The following CACNA2D3 variants were observed in gnomAD, a reference collection of about 807,000 sequenced individuals.
The protein encoded by CACNA2D3 is voltage-dependent calcium channel subunit alpha-2/delta-3.
A neutral mutation model predicts 160.6 loss-of-function variants in CACNA2D3; 60 were observed. The ratio of observed to expected loss-of-function variants is 0.37; its 90% CI spans 0.30 to 0.46. The LOEUF (loss-of-function observed/expected upper bound fraction) is 0.46. Among genes scored for constraint, CACNA2D3 ranks in the 20% least tolerant of loss-of-function variants. The pLI is 1.00. For missense variants in CACNA2D3, 1,205 were observed against 1,365.0 expected (o/e 0.88, Z 1.85); for synonymous variants, 558 against 492.9 (o/e 1.13, Z -1.75).
Position 54,792,484 on chromosome 3 carries a change from A to G in CACNA2D3, c.1381-24369A>G, listed in dbSNP as rs893502994. ...AATCATAAAACTGAAATGTCAAAGT[A>G]TAGCACTACCTTCAGGTGTGGCTAG... On this transcript the variant is annotated intron_variant, in intron 13 of 37. Coordinates refer to ENST00000474759, the MANE Select transcript of CACNA2D3 (RefSeq NM_018398.3). 9.8e-5 allele frequency among the ~76,000 whole-genome samples: 15 copies of G among 152,330 alleles called. No homozygotes were observed. In the South Asian group the frequency reaches 1.2e-3, roughly 13 times the overall value.
intron 18 of CACNA2D3, chr3:54,878,601 C>A: frequency 6.9e-6 from 1 of 145,758 alleles, no homozygotes; most frequent in Non-Finnish European, 1.5e-5. Flanking sequence ...TTCTTTTTAA[C>A]TACTGTGTAG....
At chr3:54,520,685 T>G (rs1226005577) in intron 5 of CACNA2D3, among the ~76,000 whole-genome samples, 1 of 152,230 alleles carries the variant, frequency 6.6e-6, no homozygotes, top group African/African-American at 2.4e-5. Context: ...CACAGATATT[T>G]GCAGCCATCA....
intron 32 of CACNA2D3, among the ~76,000 whole-genome samples, chr3:55,007,283 G>A (rs1322456212): frequency 2.0e-5 from 3 of 152,170 alleles, no homozygotes; most frequent in African/African-American, 7.2e-5. Context: ...ATGTAAGTGT[G>A]AGAAAAGACA....
Position 54,542,147 on chromosome 3 carries a change from C to G in CACNA2D3, c.545-20653C>G, listed in dbSNP as rs576415168. ...CGTGATCTCGGCTCGCTGCAACCTC[C>G]GACTCCCTGGTTCAAGCAATTCTCC... On this transcript the variant is annotated intron_variant, in intron 5 of 37. Transcript: ENST00000474759. 2.3e-4 allele frequency among the ~76,000 whole-genome samples: 35 copies of G among 151,770 alleles called. No homozygotes were observed. The East Asian group carries it at 6.6e-3, about 29-fold the overall frequency.
At chr3:54,751,937 T>A (rs912985159) in intron 11 of CACNA2D3, among the ~76,000 whole-genome samples, 2 of 152,250 alleles carry the variant, frequency 1.3e-5, no homozygotes, top group Non-Finnish European at 2.9e-5. Context: ...AGGTCATGCT[T>A]TGTTTCAAAG....
intron 11 of CACNA2D3, among the ~76,000 whole-genome samples, chr3:54,721,454 C>T (rs1339874707): frequency 1.3e-5 from 2 of 151,878 alleles, no homozygotes; most frequent in Non-Finnish European, 2.9e-5. Context: ...ACATTTTTTT[C>T]AGTTCTTTAA....
At chr3:54,925,637 A>G (rs1575380522) in intron 27 of CACNA2D3, among the ~76,000 whole-genome samples, 1 of 152,370 alleles carries the variant, frequency 6.6e-6, no homozygotes. Flanking sequence ...GCTGCAGAAC[A>G]GTGCTGTCTA....
At chr3:55,013,382 T>C (rs958792738) in intron 34 of CACNA2D3, among the ~76,000 whole-genome samples, 2 of 152,182 alleles carry the variant, frequency 1.3e-5, no homozygotes, top group African/African-American at 4.8e-5. Flanking sequence ...CTGCTGGGCA[T>C]CAATATGACT....
Position 54,987,767 on chromosome 3 carries a change from G to A in CACNA2D3, c.2690+14G>A. The A allele has an allele frequency of 6.3e-7, 1 of 1,581,862 alleles. No individual in the cohort carries two copies. The highest frequency in any genetic ancestry group is 8.6e-7 in the Non-Finnish European group (1 of 1,163,498). ...CTCCTTTAAAAGGTAAGGGTTTTAT[G>A]GTCCACTGCATTCCCCCCAAAAGTT... On this transcript the variant is annotated intron_variant, in intron 31 of 37. Coordinates refer to ENST00000474759, the MANE Select transcript of CACNA2D3 (RefSeq NM_018398.3).
At chr3:54,901,118 A>T (rs545101794) in intron 27 of CACNA2D3, 3 of 152,164 alleles carry the variant, frequency 2.0e-5, no homozygotes, top group Non-Finnish European at 4.4e-5. Context: ...ATTTAACTCA[A>T]CAAGATTTAC....
intron 27 of CACNA2D3, among the ~76,000 whole-genome samples, chr3:54,902,892 C>A (rs1242505223): frequency 6.6e-6 from 1 of 152,126 alleles, no homozygotes; most frequent in Non-Finnish European, 1.5e-5. Context: ...TTAGCATAAC[C>A]CGTTTTTATC....
chr3:54,896,734 C>A lies in CACNA2D3; in HGVS notation c.2247-15C>A, dbSNP rs764979171. On this transcript the variant is annotated splice_polypyrimidine_tract_variant and intron_variant, in intron 25 of 37. Coordinates refer to ENST00000474759, the MANE Select transcript of CACNA2D3 (RefSeq NM_018398.3). ...CTGAGTGATGCATGTTCTTCTGATT[C>A]TTTTCCACTTCAAGGGACTTCCTGA... 7 of 1,613,832 alleles carry A rather than the reference C, an allele frequency of 4.3e-6. No individual in the cohort carries two copies. The East Asian group carries it at 1.1e-4, about 26-fold the overall frequency.
chr3:54,308,253 C>T (rs575618813), intron 2 of CACNA2D3, among the ~76,000 whole-genome samples: 1 of 152,314 alleles, frequency 6.6e-6, no homozygotes, highest in South Asian at 2.1e-4. Context: ...CTGCTTCTTC[C>T]ATAGTGTTGA....
intron 4 of CACNA2D3, among the ~76,000 whole-genome samples, chr3:54,393,173 T>C (rs542317720): frequency 2.6e-5 from 4 of 152,212 alleles, no homozygotes; most frequent in South Asian, 4.1e-4. Context: ...TACTTCTCCC[T>C]GTGGAAAAAA....
chr3:55,033,236 C>T (rs1004564570), intron 35 of CACNA2D3, among the ~76,000 whole-genome samples: 7 of 152,046 alleles, frequency 4.6e-5, no homozygotes, highest in Non-Finnish European at 1.0e-4. Context: ...TTCTCCATAG[C>T]TGATAATTTA....
chr3:54,367,791 G>A lies in CACNA2D3; in HGVS notation c.322-18924G>A, dbSNP rs145103549. The stretch of plus-strand genomic sequence containing the variant: ...TTTTTGGGTTATGTTCCTTCCTCCT[G>A]CCCCTTTGGACTTTTTAACACTCGT... On this transcript the variant is annotated intron_variant, in intron 3 of 37. Transcript: ENST00000474759. Among the ~76,000 whole-genome samples the A allele has an allele frequency of 1.5e-3, 226 of 152,150 alleles. 1 individual carries two copies. The highest frequency in any genetic ancestry group is 6.8e-3 in the Middle Eastern group (2 of 294).
intron 11 of CACNA2D3, among the ~76,000 whole-genome samples, chr3:54,737,283 A>G (rs1397509260): frequency 6.6e-6 from 1 of 152,056 alleles, no homozygotes; most frequent in Non-Finnish European, 1.5e-5. Flanking sequence ...TGTGCTATGC[A>G]GAAAACCAAC....
At chr3:54,902,106 C>T (rs1040519589) in intron 27 of CACNA2D3, among the ~76,000 whole-genome samples, 4 of 152,114 alleles carry the variant, frequency 2.6e-5, no homozygotes, top group Admixed American at 1.3e-4. Context: ...GGGAGACAGC[C>T]GACTGGCAGG....
At chr3:54,148,974 CAAAAAAAA>C (rs543235870) in intron 2 of CACNA2D3, among the ~76,000 whole-genome samples, 1 of 116,588 alleles carries the variant, frequency 8.6e-6, no homozygotes, top group Non-Finnish European at 1.8e-5. Context: ...AAAACTCCAT[CAAAAAAAA>C]AAAAAAAAAA....
Sources: gnomAD v4.1 joint callset for allele counts (sites outside exome capture counted in the v4.1 genomes callset) on GRCh38, gnomAD v4.1.1 for gene constraint, MANE v1.5 for transcripts, NCBI Gene and HGNC (gene_info 2026-07-23, HGNC 2026-07-21) for gene names.